Variants in ST6GALNAC3 observed in about 807,000 individuals in gnomAD.
ST6GALNAC3 encodes ST6 N-acetylgalactosaminide alpha-2,6-sialyltransferase 3.
ST6GALNAC3 carries 25 observed loss-of-function variants against 32.7 expected under a neutral mutation model. The observed-to-expected ratio is 0.76, with a 90% CI of 0.56 to 1.07. ST6GALNAC3 has a LOEUF of 1.07. Among genes scored for constraint, ST6GALNAC3 ranks in the 50% least tolerant of loss-of-function variants. ST6GALNAC3 has a pLI of 0.00. For synonymous variants in ST6GALNAC3, 129 were observed against 133.1 expected (o/e 0.97, Z 0.21); for missense variants, 355 against 382.4 (o/e 0.93, Z 0.60).
At chr1:76,463,222 A>G (rs570942801) in intron 3 of ST6GALNAC3, among the ~76,000 whole-genome samples, 49 of 152,310 alleles carry the variant, frequency 3.2e-4, no homozygotes, top group African/African-American at 1.1e-3. Context: ...ACTCGTCTTT[A>G]AATTTGCTTC....
chr1:76,150,225 C>T (rs1249429614), intron 1 of ST6GALNAC3, among the ~76,000 whole-genome samples: 2 of 152,128 alleles, frequency 1.3e-5, no homozygotes, highest in African/African-American at 2.4e-5. Context: ...TATCTTCACC[C>T]GTCACCACCC....
chr1:76,294,007 T>C (rs921840736), intron 1 of ST6GALNAC3, among the ~76,000 whole-genome samples: 1 of 152,172 alleles, frequency 6.6e-6, no homozygotes, highest in Admixed American at 6.5e-5. Flanking sequence ...TTGTGGAGCA[T>C]GTAGACTTCC....
intron 2 of ST6GALNAC3, among the ~76,000 whole-genome samples, chr1:76,347,811 G>T (rs1648646809): frequency 6.6e-6 from 1 of 152,064 alleles, no homozygotes; most frequent in South Asian, 2.1e-4. Flanking sequence ...CCAACAAAAT[G>T]AGGCCATATG....
In ST6GALNAC3 at chr1:76,236,167, C is replaced by T. The variant is rs973236734; in HGVS notation, c.19-77638C>T. Among the ~76,000 whole-genome samples, 8 of 152,014 alleles carry T rather than the reference C, an allele frequency of 5.3e-5. No homozygotes were observed. In the South Asian group the frequency reaches 8.3e-4, roughly 16 times the overall value. On this transcript the variant is annotated intron_variant, in intron 1 of 4. Transcript: ENST00000328299. ...TTCGCCATGTTGGCCAGGCTAGTCC[C>T]GAACCCCTGACCTCAGGTGATCCGC...
chr1:76,359,285 G>A (rs1649739628), intron 2 of ST6GALNAC3, among the ~76,000 whole-genome samples: 3 of 152,122 alleles, frequency 2.0e-5, no homozygotes, highest in South Asian at 4.2e-4. Flanking sequence ...TTTACCTCAG[G>A]ATGTGAACTT....
chr1:76,360,537 A>G (rs752083458), intron 2 of ST6GALNAC3, among the ~76,000 whole-genome samples: 24 of 152,220 alleles, frequency 1.6e-4, no homozygotes, highest in Non-Finnish European at 2.5e-4. Flanking sequence ...CAACTATGTT[A>G]TGCAATATAT....
chr1:76,223,662 A>T (rs1655905689), intron 1 of ST6GALNAC3, among the ~76,000 whole-genome samples: 1 of 152,220 alleles, frequency 6.6e-6, no homozygotes, highest in African/African-American at 2.4e-5. Context: ...AAAGTAGTTA[A>T]GAACCTGTGT....
chr1:76,603,684 T>C (rs566919467), intron 3 of ST6GALNAC3, among the ~76,000 whole-genome samples: 40 of 152,302 alleles, frequency 2.6e-4, no homozygotes, highest in African/African-American at 9.1e-4. Context: ...ATTTTTAAAT[T>C]TTTTTAGAGA....
At chr1:76,168,704 C>G (rs1019920398) in intron 1 of ST6GALNAC3, among the ~76,000 whole-genome samples, 2 of 152,058 alleles carry the variant, frequency 1.3e-5, no homozygotes, top group Non-Finnish European at 2.9e-5. Context: ...TGAATTGAAC[C>G]CTTTATCATA....
intron 2 of ST6GALNAC3, among the ~76,000 whole-genome samples, chr1:76,393,075 A>G (rs376467762): frequency 6.6e-6 from 1 of 152,328 alleles, no homozygotes; most frequent in African/African-American, 2.4e-5. Context: ...AGAACTACAA[A>G]TAACGCTTTG....
At chr1:76,405,783 A>G (rs1490565612) in intron 2 of ST6GALNAC3, among the ~76,000 whole-genome samples, 1 of 151,756 alleles carries the variant, frequency 6.6e-6, no homozygotes, top group Non-Finnish European at 1.5e-5. Context: ...TCTCTCTCTC[A>G]CTCACTTTCT....
intron 3 of ST6GALNAC3, among the ~76,000 whole-genome samples, chr1:76,458,077 C>T (rs776473305): frequency 1.0e-4 from 15 of 148,046 alleles, no homozygotes; most frequent in Admixed American, 2.7e-4. Flanking sequence ...GGGCGAAGGA[C>T]ATGAACAGAC....
chr1:76,412,458 T>C, intron 3 of ST6GALNAC3, 41 bp downstream of exon 3: 1 of 1,534,270 alleles, frequency 6.5e-7, no homozygotes, highest in Non-Finnish European at 8.7e-7. Context: ...TTTTATTATC[T>C]TTTATGCTAA....
chr1:76,300,347 T>C (rs1660655196), intron 1 of ST6GALNAC3, among the ~76,000 whole-genome samples: 1 of 151,968 alleles, frequency 6.6e-6, no homozygotes, highest in African/African-American at 2.4e-5. Context: ...GTGGGAGCCA[T>C]GTGCAAAGCT....
At chr1:76,356,499 C>T (rs1487840137) in intron 2 of ST6GALNAC3, among the ~76,000 whole-genome samples, 1 of 141,562 alleles carries the variant, frequency 7.1e-6, no homozygotes, top group African/African-American at 2.7e-5. Flanking sequence ...GAGAAAGGGA[C>T]AAAAATAACA....
At chr1:76,206,658 G>C (rs190286934) in intron 1 of ST6GALNAC3, among the ~76,000 whole-genome samples, 91 of 152,122 alleles carry the variant, frequency 6.0e-4, no homozygotes, top group South Asian at 4.0e-3. Context: ...AGGAGAACCC[G>C]GGAGGTGGAG....
intron 1 of ST6GALNAC3, among the ~76,000 whole-genome samples, chr1:76,296,731 C>G (rs1660427322): frequency 6.6e-6 from 1 of 152,004 alleles, no homozygotes; most frequent in South Asian, 2.1e-4. Context: ...AGACACAGTT[C>G]CAGCCCTTGT....
chr1:76,569,952 A>G (rs1665766794), intron 3 of ST6GALNAC3, among the ~76,000 whole-genome samples: 1 of 152,114 alleles, frequency 6.6e-6, no homozygotes, highest in East Asian at 1.9e-4. Context: ...TTTCTCTTCA[A>G]AAATCAAATT....
At chr1:76,480,214 T>C (rs1313062382) in intron 3 of ST6GALNAC3, among the ~76,000 whole-genome samples, 1 of 152,188 alleles carries the variant, frequency 6.6e-6, no homozygotes, top group East Asian at 1.9e-4. Flanking sequence ...CTGAAATAGA[T>C]TTGCATAAGA....
Sources: allele counts gnomAD v4.1 joint callset (sites outside exome capture counted in the v4.1 genomes callset), GRCh38; gene constraint gnomAD v4.1.1; transcripts MANE v1.5; gene names NCBI Gene and HGNC (gene_info 2026-07-23, HGNC 2026-07-21).